Variants in COL26A1 observed in about 807,000 individuals in gnomAD.
COL26A1 encodes the protein collagen type XXVI alpha 1 chain.
Under a neutral mutation model 59.3 loss-of-function variants are expected in COL26A1, and 41 were observed. That is an observed-to-expected ratio of 0.69 (90% CI 0.54 to 0.90). The LOEUF is 0.90. COL26A1 is among the 40% of genes least tolerant of loss of function. The probability of loss-of-function intolerance (pLI) is 0.00; values close to 1 mark genes in which losing one functional copy is unlikely to be tolerated. For missense variants in COL26A1, 612 were observed against 602.3 expected, an observed-to-expected ratio of 1.02 and a Z score of -0.17; for synonymous variants, 266 against 256.0, an observed-to-expected ratio of 1.04 and a Z score of -0.37.
At chr7:101,387,761 TATATATATATA>T (rs1286522254) in intron 1 of COL26A1, among the ~76,000 whole-genome samples, 2,208 of 78,306 alleles carry the variant, frequency 0.028, 109 homozygotes, top group Admixed American at 0.12. Context: ...TATTTATATA[TATATATATATA>T]TATATATTTT....
intron 2 of COL26A1, among the ~76,000 whole-genome samples, chr7:101,444,211 C>T (rs1379144174): frequency 6.6e-6 from 1 of 151,776 alleles, no homozygotes; most frequent in South Asian, 2.1e-4. Flanking sequence ...AAGTGTCTCG[C>T]TCTTCTCAGG....
chr7:101,549,916 A>C (rs1795824672), intron 9 of COL26A1, among the ~76,000 whole-genome samples: 1 of 152,110 alleles, frequency 6.6e-6, no homozygotes, highest in African/African-American at 2.4e-5. Context: ...GCGGCACCCC[A>C]AGCCTGACTC....
chr7:101,445,205 A>C (rs919996430), intron 2 of COL26A1, among the ~76,000 whole-genome samples: 2 of 152,176 alleles, frequency 1.3e-5, no homozygotes, highest in Admixed American at 6.5e-5. Context: ...TGCAACCGAT[A>C]TATTGCACAG....
At chr7:101,516,054 G>C (rs1795021994) in intron 3 of COL26A1, among the ~76,000 whole-genome samples, 1 of 152,168 alleles carries the variant, frequency 6.6e-6, no homozygotes, top group Admixed American at 6.5e-5. Flanking sequence ...ATAACTGAGG[G>C]GGAAGTAAGG....
chr7:101,535,685 C>A (rs1438149137), intron 4 of COL26A1, among the ~76,000 whole-genome samples: 1 of 152,170 alleles, frequency 6.6e-6, no homozygotes, highest in Non-Finnish European at 1.5e-5. Flanking sequence ...GTGGGAGGAG[C>A]CCAGGCCAAG....
chr7:101,485,438 A>C (rs1794246862), intron 3 of COL26A1, among the ~76,000 whole-genome samples: 1 of 152,184 alleles, frequency 6.6e-6, no homozygotes, highest in African/African-American at 2.4e-5. Context: ...TTTTCGTCAT[A>C]GGCTATGATG....
intron 1 of COL26A1, among the ~76,000 whole-genome samples, chr7:101,384,826 C>T (rs556330495): frequency 2.6e-5 from 4 of 152,216 alleles, no homozygotes; most frequent in Admixed American, 6.5e-5. Context: ...AGCAGTGGTT[C>T]GTCCTAGTTC....
Position 101,392,561 on chromosome 7 carries a change from C to G in COL26A1, c.159-27416C>G, listed in dbSNP as rs1268664588. 2.0e-5 allele frequency among the ~76,000 whole-genome samples: 3 copies of G among 152,056 alleles called. No individual in the cohort carries two copies. The South Asian group carries it at 6.2e-4, about 32-fold the overall frequency. On this transcript the variant is annotated intron_variant, in intron 1 of 12. Transcript: ENST00000313669. ...GGATTACTGGTGCCCACCACCATAC[C>G]TGGCTAATTTTTGTATTTTTAGTAG...
At position 101,363,145 on chromosome 7, in the gene COL26A1, C is replaced by G; in HGVS notation, c.113C>G (p.Pro38Arg). The G allele has an allele frequency of 6.6e-7, 1 of 1,515,788 alleles. No homozygotes were observed. The highest frequency in any genetic ancestry group is 8.8e-7 in the Non-Finnish European group (1 of 1,139,390). 93.9% of individuals were successfully genotyped at this position (1,515,788 alleles called of 1,614,324 possible). The change falls in exon 1 of 13, where the codon CCC becomes CGC. Residue 38 changes from proline (P) to arginine (R), a missense_variant. Physicochemically the swap from Pro to Arg is moderately radical, Grantham distance 103 (BLOSUM62 -2). Coordinates refer to ENST00000313669, the MANE Select transcript of COL26A1 (RefSeq NM_001278563.3). Reference protein sequence around the residue: ...SAAALQQHGYPEPGAGSPGSG... With the variant: ...SAAALQQHGYREPGAGSPGSG... ...GCAGCTCTGCAGCAGCACGGCTACC[C>G]CGAGCCCGGCGCCGGCTCCCCTGGC...
chr7:101,363,536 G>GGGGCGCC (rs1177672022), intron 1 of COL26A1, among the ~76,000 whole-genome samples: 1 of 142,354 alleles, frequency 7.0e-6, no homozygotes, highest in Non-Finnish European at 1.6e-5. Flanking sequence ...GCTGGGGCGC[G>GGGGCGCC]GGGCGGCGGG....
chr7:101,401,662 AGAG>A (rs879944886), intron 1 of COL26A1, among the ~76,000 whole-genome samples: 65 of 52,742 alleles, frequency 1.2e-3, no homozygotes, highest in Non-Finnish European at 3.2e-3. Context: ...TGGAGGAGGA[AGAG>A]GAGGAAGAAG....
intron 1 of COL26A1, among the ~76,000 whole-genome samples, chr7:101,384,612 C>T (rs926999671): frequency 2.6e-5 from 4 of 152,124 alleles, no homozygotes; most frequent in Non-Finnish European, 5.9e-5. Context: ...TGAGCTATTG[C>T]ACCTGGCCAG....
At chr7:101,548,737 G>C (rs1461432007) in intron 8 of COL26A1, among the ~76,000 whole-genome samples, 1 of 152,076 alleles carries the variant, frequency 6.6e-6, no homozygotes, top group African/African-American at 2.4e-5. Context: ...GGATTTTTGA[G>C]AGTGTACTCT....
At chr7:101,535,674 C>T (rs12539587) in intron 4 of COL26A1, among the ~76,000 whole-genome samples, 53,383 of 152,054 alleles carry the variant, frequency 0.35, 9,673 homozygotes, top group African/African-American at 0.37. Context: ...GACAGCAGTG[C>T]GTGGGAGGAG....
chr7:101,430,961 T>A (rs1206566849), intron 2 of COL26A1, among the ~76,000 whole-genome samples: 1 of 151,688 alleles, frequency 6.6e-6, no homozygotes, highest in Non-Finnish European at 1.5e-5. Context: ...TGCCCGCTAA[T>A]TTTTTTTATT....
In COL26A1 at chr7:101,557,581, G is replaced by C. The variant is rs570571339; in HGVS notation, c.*51G>C. 6.5e-6 allele frequency: 10 copies of C among 1,531,274 alleles called. No homozygotes were observed. The highest frequency in any genetic ancestry group is 8.8e-6 in the Non-Finnish European group (10 of 1,134,690). The allele number at this position is 1,531,274 out of a possible 1,614,324, so 94.9% of individuals were successfully genotyped here. On this transcript the variant is annotated 3_prime_UTR_variant, in exon 13 of 13. Coordinates refer to ENST00000313669, the MANE Select transcript of COL26A1 (RefSeq NM_001278563.3). ...TCCTGGCTAGAGACCCAGCCCCAGA[G>C]GCCTGAGCCGCCGCTGTTTCCTAAA...
chr7:101,457,809 C>T (rs1311858755), intron 3 of COL26A1, among the ~76,000 whole-genome samples: 2 of 151,682 alleles, frequency 1.3e-5, no homozygotes, highest in Non-Finnish European at 2.9e-5. Context: ...TTTACATATA[C>T]ATGTGTAGTT....
At chr7:101,490,790 G>C (rs1430363449) in intron 3 of COL26A1, among the ~76,000 whole-genome samples, 2 of 152,068 alleles carry the variant, frequency 1.3e-5, no homozygotes, top group South Asian at 2.1e-4. Context: ...CCTGAGGTCA[G>C]GAGTTCGAGA....
At chr7:101,367,477 C>T (rs975737177) in intron 1 of COL26A1, among the ~76,000 whole-genome samples, 1 of 151,918 alleles carries the variant, frequency 6.6e-6, no homozygotes, top group Non-Finnish European at 1.5e-5. Context: ...CCAGTCTGGC[C>T]AACATGGTGA....
Sources: gnomAD v4.1 joint callset for allele counts (sites outside exome capture counted in the v4.1 genomes callset) on GRCh38, gnomAD v4.1.1 for gene constraint, MANE v1.5 for transcripts, NCBI Gene and HGNC (gene_info 2026-07-23, HGNC 2026-07-21) for gene names.